The following HYCC1 variants were observed in gnomAD, a reference collection of about 807,000 sequenced individuals.
The protein encoded by HYCC1 is hyccin.
chr7:22,934,862 C>T, the HYCC1 span: 1 of 152,220 alleles, frequency 6.6e-6, no homozygotes, highest in East Asian at 1.9e-4. Context: ...TAGAGGCACC[C>T]TCTGCCCAGC....
chr7:22,920,590 C>T, the HYCC1 span, among the ~76,000 whole-genome samples: 4 of 151,868 alleles, frequency 2.6e-5, no homozygotes, highest in African/African-American at 4.8e-5. Context: ...AATCATTGCT[C>T]GCAGAGATAT....
At chr7:23,003,489 A>T in the HYCC1 span, among the ~76,000 whole-genome samples, 1 of 152,238 alleles carries the variant, frequency 6.6e-6, no homozygotes, top group South Asian at 2.1e-4. Flanking sequence ...AGCCCAATGT[A>T]AACATTATCT....
At chr7:22,908,340 G>A in the HYCC1 span, among the ~76,000 whole-genome samples, 1 of 152,140 alleles carries the variant, frequency 6.6e-6, no homozygotes, top group African/African-American at 2.4e-5. Flanking sequence ...TAAGTAGCTT[G>A]CTTTGGTTAC....
the HYCC1 span, among the ~76,000 whole-genome samples, chr7:22,986,541 G>C: frequency 6.6e-6 from 1 of 152,314 alleles, no homozygotes; most frequent in South Asian, 2.1e-4. Context: ...AATTATGTTG[G>C]TATATTATTC....
the HYCC1 span, among the ~76,000 whole-genome samples, chr7:22,924,929 C>A: frequency 6.6e-6 from 1 of 152,222 alleles, no homozygotes; most frequent in East Asian, 1.9e-4. Flanking sequence ...GGGAGGCACC[C>A]CCCAGTAGGC....
chr7:22,995,194 A>T, the HYCC1 span, among the ~76,000 whole-genome samples: 1 of 152,020 alleles, frequency 6.6e-6, no homozygotes, highest in East Asian at 1.9e-4. Flanking sequence ...TCCTCCTTCA[A>T]CCATCCACCC....
At chr7:22,902,637 T>C in the HYCC1 span, among the ~76,000 whole-genome samples, 1 of 151,834 alleles carries the variant, frequency 6.6e-6, no homozygotes, top group Non-Finnish European at 1.5e-5. Context: ...TATATGGTTA[T>C]TTTTTTTAAA....
chr7:22,976,097 T>C, the HYCC1 span: 2 of 744,786 alleles, frequency 2.7e-6, no homozygotes, highest in African/African-American at 1.7e-5. Flanking sequence ...CATTAACTTA[T>C]TTAATGTTTT....
the HYCC1 span, chr7:22,977,255 AT>A: frequency 5.8e-6 from 5 of 867,834 alleles, no homozygotes; most frequent in Admixed American, 1.8e-5. Context: ...AAATTGATCA[AT>A]TTTTTTCCTA....
the HYCC1 span, among the ~76,000 whole-genome samples, chr7:22,903,233 G>A: frequency 6.6e-5 from 10 of 151,612 alleles, no homozygotes; most frequent in Non-Finnish European, 8.8e-5. Flanking sequence ...ATATTCAAGC[G>A]AAATGAAAAC....
chr7:22,951,086 C>G, the HYCC1 span, among the ~76,000 whole-genome samples: 1 of 151,798 alleles, frequency 6.6e-6, no homozygotes, highest in East Asian at 1.9e-4. Flanking sequence ...CAAAGGTACT[C>G]AAATAATTTT....
chr7:22,981,691 G>A, the HYCC1 span, among the ~76,000 whole-genome samples: 2 of 152,162 alleles, frequency 1.3e-5, no homozygotes, highest in Non-Finnish European at 2.9e-5. Context: ...TAGAAATTGA[G>A]AGGAAATATT....
At chr7:22,939,899 T>C in the HYCC1 span, 31 of 152,284 alleles carry the variant, frequency 2.0e-4, no homozygotes, top group African/African-American at 7.5e-4. Context: ...ACCACTACTA[T>C]CACAATAACA....
the HYCC1 span, among the ~76,000 whole-genome samples, chr7:22,962,418 G>C: frequency 6.6e-6 from 1 of 152,074 alleles, no homozygotes; most frequent in Non-Finnish European, 1.5e-5. Flanking sequence ...GATGGTATAG[G>C]CCTGAAGGAA....
the HYCC1 span, among the ~76,000 whole-genome samples, chr7:22,923,248 C>T: frequency 3.9e-5 from 6 of 152,054 alleles, no homozygotes; most frequent in Non-Finnish European, 8.8e-5. Flanking sequence ...AAATTATTAA[C>T]AGAAAGGAAT....
chr7:22,972,990 C>T, the HYCC1 span, among the ~76,000 whole-genome samples: 21 of 152,258 alleles, frequency 1.4e-4, no homozygotes, highest in Middle Eastern at 3.4e-3. Flanking sequence ...GTTCATCTAT[C>T]CCATGAATTT....
At chr7:22,905,338 A>C in the HYCC1 span, among the ~76,000 whole-genome samples, 2 of 145,124 alleles carry the variant, frequency 1.4e-5, no homozygotes, top group Non-Finnish European at 3.0e-5. Context: ...CCAAGTAGTG[A>C]GTAGCTGGGA....
chr7:23,002,136 GTATATATATATATATATA>G, the HYCC1 span, among the ~76,000 whole-genome samples: 9 of 76,614 alleles, frequency 1.2e-4, no homozygotes, highest in African/African-American at 2.4e-4. Context: ...GGTAAAAATT[GTATATATATATATATATA>G]TATATATATA....
At chr7:22,928,751 G>T in the HYCC1 span, among the ~76,000 whole-genome samples, 1 of 152,042 alleles carries the variant, frequency 6.6e-6, no homozygotes, top group Non-Finnish European at 1.5e-5. Flanking sequence ...CATAAAAATG[G>T]CCATACTGCC....
Sources: allele counts gnomAD v4.1 joint callset (sites outside exome capture counted in the v4.1 genomes callset), GRCh38; gene constraint gnomAD v4.1.1; transcripts MANE v1.5; gene names NCBI Gene and HGNC (gene_info 2026-07-23, HGNC 2026-07-21).